The following CSMD1 variants were observed in gnomAD, a reference collection of about 807,000 sequenced individuals.
CSMD1 encodes CUB and Sushi multiple domains 1.
Under a neutral mutation model 417.5 loss-of-function variants are expected in CSMD1, and 213 were observed. The observed-to-expected ratio is 0.51, with a 90% confidence interval of 0.46 to 0.57. The LOEUF is 0.57. Ranked by LOEUF, CSMD1 falls within the 20% of genes least tolerant of loss-of-function variation. The probability of loss-of-function intolerance (pLI) is 0.00; values close to 1 mark genes in which losing one functional copy is unlikely to be tolerated. For missense variants in CSMD1, 6,923 were observed against 4,529.7 expected (o/e 1.53, Z -15.17); for synonymous variants, 2,862 against 1,736.8 (o/e 1.65, Z -16.11).
Position 3,718,403 on chromosome 8 carries a change from G to C in CSMD1, c.932-9912C>G, listed in dbSNP as rs149662531. 9.5e-4 allele frequency among the ~76,000 whole-genome samples: 145 copies of C among 152,194 alleles called. 2 individuals are homozygous for C. In the East Asian group the frequency reaches 0.013, roughly 14 times the overall value. On this transcript the variant is annotated intron_variant, in intron 6 of 69. Transcript: ENST00000635120. Reference sequence around the variant, plus strand: ...AAATTTTATTTCTACCCTTAAATCAGTCAGTGTCCTTTCCTTGGTCAGGAA... The same window carrying C: ...AAATTTTATTTCTACCCTTAAATCACTCAGTGTCCTTTCCTTGGTCAGGAA...
At chr8:4,682,989 TATATA>T (rs1806144578) in intron 1 of CSMD1, among the ~76,000 whole-genome samples, 4 of 108,400 alleles carry the variant, frequency 3.7e-5, no homozygotes, top group African/African-American at 1.4e-4. Context: ...TATATATATA[TATATA>T]GTCACACATA....
chr8:4,172,478 A>C (rs974090391), intron 3 of CSMD1, among the ~76,000 whole-genome samples: 2 of 152,080 alleles, frequency 1.3e-5, no homozygotes, highest in Non-Finnish European at 2.9e-5. Flanking sequence ...TATCTTATTC[A>C]CATGACAATT....
At chr8:4,204,957 G>A (rs1262886596) in intron 3 of CSMD1, among the ~76,000 whole-genome samples, 1 of 152,114 alleles carries the variant, frequency 6.6e-6, no homozygotes, top group East Asian at 1.9e-4. Flanking sequence ...ACTGAATCTG[G>A]CCTATAAAAA....
At chr8:3,298,556 C>G (rs926548272) in intron 25 of CSMD1, among the ~76,000 whole-genome samples, 1 of 152,158 alleles carries the variant, frequency 6.6e-6, no homozygotes, top group Non-Finnish European at 1.5e-5. Context: ...CAGGCTCAAG[C>G]AATTCTTCTG....
chr8:4,112,023 A>G (rs556570101), intron 3 of CSMD1, among the ~76,000 whole-genome samples: 1 of 152,306 alleles, frequency 6.6e-6, no homozygotes, highest in East Asian at 1.9e-4. Context: ...ATGACATGAA[A>G]TGTATAAAAA....
Position 4,038,738 on chromosome 8 carries a change from G to T in CSMD1, c.416-6639C>A, listed in dbSNP as rs574781804. ...CTTATTTAGGTGATGGGAATTCTGC[G>T]CCCAATGCAGACATTTGGTAACGTG... On this transcript the variant is annotated intron_variant, in intron 3 of 69. Transcript: ENST00000635120. 4.6e-5 allele frequency among the ~76,000 whole-genome samples: 7 copies of T among 152,194 alleles called. No homozygotes were observed. The East Asian group carries it at 1.2e-3, about 25-fold the overall frequency.
intron 2 of CSMD1, among the ~76,000 whole-genome samples, chr8:4,628,890 C>G (rs1585356793): frequency 6.6e-6 from 1 of 152,182 alleles, no homozygotes; most frequent in East Asian, 1.9e-4. Flanking sequence ...TTTTACACGC[C>G]TTTTATTAAA....
At chr8:3,884,572 C>T (rs969033056) in intron 5 of CSMD1, among the ~76,000 whole-genome samples, 1 of 152,144 alleles carries the variant, frequency 6.6e-6, no homozygotes, top group African/African-American at 2.4e-5. Flanking sequence ...TGGAATTGCA[C>T]ACATACACAT....
At chr8:3,377,410 T>G (rs1182126231) in intron 18 of CSMD1, among the ~76,000 whole-genome samples, 1 of 152,184 alleles carries the variant, frequency 6.6e-6, no homozygotes. Flanking sequence ...GGTTTAAATC[T>G]CAAATTTACA....
At chr8:3,623,102 T>C (rs1477844125) in intron 7 of CSMD1, among the ~76,000 whole-genome samples, 4 of 152,222 alleles carry the variant, frequency 2.6e-5, no homozygotes, top group Non-Finnish European at 5.9e-5. Flanking sequence ...TAAAGAAAGA[T>C]ATGTAATTAT....
chr8:4,368,371 C>T (rs1266366484), intron 3 of CSMD1, among the ~76,000 whole-genome samples: 2 of 152,104 alleles, frequency 1.3e-5, no homozygotes, highest in Admixed American at 6.6e-5. Context: ...TTTTCATCTG[C>T]TGCTGGATTC....
chr8:3,106,416 A>T (rs1816151935), intron 46 of CSMD1, 112 bp downstream of exon 46: 2 of 625,970 alleles, frequency 3.2e-6, no homozygotes, highest in South Asian at 5.7e-5. Context: ...ATAAATAAAT[A>T]ATAAACAAAT....
chr8:3,005,400 G>A (rs1478438449), intron 52 of CSMD1, among the ~76,000 whole-genome samples: 2 of 152,116 alleles, frequency 1.3e-5, no homozygotes, highest in Admixed American at 6.5e-5. Flanking sequence ...GAAAAAGACG[G>A]AATCCTCCCT....
intron 7 of CSMD1, among the ~76,000 whole-genome samples, chr8:3,706,315 G>A (rs1563292705): frequency 1.3e-5 from 2 of 152,326 alleles, no homozygotes; most frequent in South Asian, 2.1e-4. Flanking sequence ...TACTTGCACA[G>A]CTATTGAATG....
intron 3 of CSMD1, among the ~76,000 whole-genome samples, chr8:4,147,058 T>G (rs1804181561): frequency 6.6e-6 from 1 of 151,824 alleles, no homozygotes; most frequent in African/African-American, 2.4e-5. Context: ...TCCTTCACCC[T>G]CCTGCCCTAA....
chr8:3,964,693 T>G (rs904957990), intron 5 of CSMD1, among the ~76,000 whole-genome samples: 1 of 152,230 alleles, frequency 6.6e-6, no homozygotes, highest in Non-Finnish European at 1.5e-5. Context: ...TGGACCATAG[T>G]TATTAAATAA....
rs564083789 is a variant in CSMD1, at chr8:4,277,929, T to G, written c.415+142024A>C. On this transcript the variant is annotated intron_variant, in intron 3 of 69. Coordinates refer to ENST00000635120, the MANE Select transcript of CSMD1 (RefSeq NM_033225.6). Reference sequence around the variant, plus strand: ...TCCCCGGCTAATTTTTTTGTATTTTTAGTGGAGACAGGATTTCACCATGCT... The same window carrying G: ...TCCCCGGCTAATTTTTTTGTATTTTGAGTGGAGACAGGATTTCACCATGCT... Among the ~76,000 whole-genome samples, 7 of 152,182 alleles carry G rather than the reference T, an allele frequency of 4.6e-5. No individual in the cohort carries two copies. The South Asian group carries it at 1.5e-3, about 32-fold the overall frequency.
At position 4,760,800 on chromosome 8, in the gene CSMD1, A is replaced by C. The variant is rs571630391; in HGVS notation, c.86-123242T>G. On this transcript the variant is annotated intron_variant, in intron 1 of 69. Coordinates refer to ENST00000635120, the MANE Select transcript of CSMD1 (RefSeq NM_033225.6). ...ATTTAGATCTGTCAAAAACAAAAAC[A>C]CGCAAAAAGATCTGCTGCATTAGGA... is the stretch of plus-strand genomic sequence containing the variant. 4.6e-5 allele frequency among the ~76,000 whole-genome samples: 7 copies of C among 152,310 alleles called. No individual in the cohort carries two copies. The East Asian group carries it at 1.4e-3, about 29-fold the overall frequency.
At chr8:3,512,853 C>A (rs1309466974) in intron 10 of CSMD1, among the ~76,000 whole-genome samples, 1 of 151,978 alleles carries the variant, frequency 6.6e-6, no homozygotes, top group Non-Finnish European at 1.5e-5. Context: ...ACCTCGGCCT[C>A]CCAAAATGCT....
Sources: gnomAD v4.1 joint callset for allele counts (sites outside exome capture counted in the v4.1 genomes callset) on GRCh38, gnomAD v4.1.1 for gene constraint, MANE v1.5 for transcripts, NCBI Gene and HGNC (gene_info 2026-07-23, HGNC 2026-07-21) for gene names.